The following MTUS2 variants were observed in gnomAD, a reference collection of about 807,000 sequenced individuals.
MTUS2 encodes microtubule-associated tumor suppressor candidate 2.
In MTUS2, 40 loss-of-function variants were observed where a neutral mutation model predicts 114.1. That is an observed-to-expected ratio of 0.35 (90% CI 0.27 to 0.46). The LOEUF (loss-of-function observed/expected upper bound fraction) is 0.46. Among genes scored for constraint, MTUS2 ranks in the 20% least tolerant of loss-of-function variants. MTUS2 has a pLI of 1.00. For synonymous variants in MTUS2, 688 were observed against 672.0 expected (o/e 1.02, Z -0.37); for missense variants, 1,679 against 1,705.4 (o/e 0.98, Z 0.27).
At chr13:28,846,711 T>C (rs1875909039) in intron 2 of MTUS2, among the ~76,000 whole-genome samples, 1 of 152,222 alleles carries the variant, frequency 6.6e-6, no homozygotes, top group African/African-American at 2.4e-5. Flanking sequence ...AATGCCCTCT[T>C]AAAGAAACAA....
chr13:29,089,844 GTTTT>G (rs1889858236), intron 4 of MTUS2, among the ~76,000 whole-genome samples: 1 of 152,154 alleles, frequency 6.6e-6, no homozygotes, highest in Admixed American at 6.5e-5. Flanking sequence ...CTGTTAGATT[GTTTT>G]ACTGGTTCTT....
intron 8 of MTUS2, among the ~76,000 whole-genome samples, chr13:29,367,273 G>A (rs1046445828): frequency 4.6e-5 from 7 of 152,118 alleles, no homozygotes; most frequent in African/African-American, 7.2e-5. Flanking sequence ...TGGGCCTTCC[G>A]GGACAGCAGG....
At chr13:29,492,185 GTGTGTAT>G (rs1882212324) in intron 11 of MTUS2, among the ~76,000 whole-genome samples, 1 of 2,526 alleles carries the variant, frequency 4.0e-4, no homozygotes, top group Admixed American at 6.3e-3. Flanking sequence ...TGTGTGGTAG[GTGTGTAT>G]GTGTGTGTGG....
At chr13:29,225,654 C>T (rs546518160) in intron 5 of MTUS2, among the ~76,000 whole-genome samples, 7 of 152,172 alleles carry the variant, frequency 4.6e-5, no homozygotes, top group Non-Finnish European at 8.8e-5. Context: ...GTTTCCTTGT[C>T]GTAACAAATT....
intron 6 of MTUS2, among the ~76,000 whole-genome samples, chr13:29,291,048 A>G (rs1002505334): frequency 2.0e-5 from 3 of 152,204 alleles, no homozygotes; most frequent in African/African-American, 7.2e-5. Context: ...TAAATGAGAG[A>G]CGTGCCCTTT....
intron 5 of MTUS2, among the ~76,000 whole-genome samples, chr13:29,221,471 C>T (rs1198681635): frequency 1.3e-5 from 2 of 152,048 alleles, no homozygotes; most frequent in Non-Finnish European, 2.9e-5. Context: ...GATTATTAGC[C>T]TGAGTACATT....
Position 28,949,520 on chromosome 13 carries a change from G to A in MTUS2, c.-242-74937G>A, listed in dbSNP as rs542725978. Among the ~76,000 whole-genome samples, 47 of 152,302 alleles carry A rather than the reference G, an allele frequency of 3.1e-4. No homozygotes were observed. The South Asian group carries it at 7.9e-3, about 26-fold the overall frequency. ...TAACAATTTTTAACTGTATAGTTCAGTAGTGTTAATTAAATTCACAGTATT... is the reference window on the plus strand; with the variant it reads ...TAACAATTTTTAACTGTATAGTTCAATAGTGTTAATTAAATTCACAGTATT... On this transcript the variant is annotated intron_variant, in intron 2 of 15. Transcript: ENST00000612955.
At chr13:29,484,763 G>A (rs1881468704) in intron 10 of MTUS2, 2 of 152,194 alleles carry the variant, frequency 1.3e-5, no homozygotes, top group African/African-American at 4.8e-5. Context: ...TAAAACACAC[G>A]TTTCTTCATT....
chr13:29,427,746 A>C (rs1269434219), intron 8 of MTUS2, among the ~76,000 whole-genome samples: 1 of 152,228 alleles, frequency 6.6e-6, no homozygotes, highest in Non-Finnish European at 1.5e-5. Flanking sequence ...TTGTCTGTTT[A>C]CAGCCTTAGG....
intron 9 of MTUS2, among the ~76,000 whole-genome samples, chr13:29,478,290 T>G (rs1161430544): frequency 6.6e-6 from 1 of 152,182 alleles, no homozygotes; most frequent in Admixed American, 6.5e-5. Context: ...GTAGCAATGT[T>G]TCTTTCCTGA....
At chr13:29,083,757 C>T (rs1442173137) in intron 4 of MTUS2, among the ~76,000 whole-genome samples, 2 of 152,164 alleles carry the variant, frequency 1.3e-5, no homozygotes, top group Non-Finnish European at 2.9e-5. Flanking sequence ...TTGAGCCATA[C>T]TAACTGGTTT....
rs566281530 is a variant in MTUS2, at chr13:29,318,254, TA to T, written c.2807-6358del. On this transcript the variant is annotated intron_variant, in intron 6 of 15. Transcript: ENST00000612955. ...AGATTAAGAGCCTATAAAAATGTTTTAGGTTTTTTTTTTTTTTGATGTGCTG... is the reference window on the plus strand; with the variant it reads ...AGATTAAGAGCCTATAAAAATGTTTTGGTTTTTTTTTTTTTTGATGTGCTG... Among the ~76,000 whole-genome samples the T allele has an allele frequency of 8.6e-5, 13 of 150,964 alleles. No homozygotes were observed. The East Asian group carries it at 2.5e-3, about 29-fold the overall frequency.
chr13:29,046,066 C>T (rs970559434), intron 4 of MTUS2, among the ~76,000 whole-genome samples: 1 of 152,034 alleles, frequency 6.6e-6, no homozygotes, highest in African/African-American at 2.4e-5. Flanking sequence ...GCCATCTAGA[C>T]ACCCCACTAT....
At chr13:29,149,067 C>T (rs1029491838) in intron 5 of MTUS2, among the ~76,000 whole-genome samples, 25 of 152,248 alleles carry the variant, frequency 1.6e-4, no homozygotes, top group African/African-American at 5.5e-4. Flanking sequence ...ACTGCTGGAT[C>T]GGGTGGTAAT....
intron 2 of MTUS2, among the ~76,000 whole-genome samples, chr13:28,918,117 GC>G (rs781458613): frequency 2.0e-5 from 3 of 151,848 alleles, no homozygotes; most frequent in Non-Finnish European, 2.9e-5. Context: ...TTGAGAATGA[GC>G]CATATGTTTA....
intron 4 of MTUS2, among the ~76,000 whole-genome samples, chr13:29,076,862 G>A (rs947195478): frequency 1.3e-5 from 2 of 152,146 alleles, no homozygotes; most frequent in African/African-American, 4.8e-5. Flanking sequence ...TCCTTTTGGT[G>A]GAAAGGTGCT....
chr13:29,037,781 C>T (rs1887149238), intron 4 of MTUS2, among the ~76,000 whole-genome samples: 2 of 152,046 alleles, frequency 1.3e-5, no homozygotes. Context: ...TCTCTGATAT[C>T]CTTTCTTCCA....
At chr13:29,034,834 G>A (rs1317382263) in intron 4 of MTUS2, among the ~76,000 whole-genome samples, 1 of 152,148 alleles carries the variant, frequency 6.6e-6, no homozygotes, top group Non-Finnish European at 1.5e-5. Context: ...TACCATTGCT[G>A]TCCCCCACCA....
rs202099762 is a variant in MTUS2, at chr13:29,254,313, C to T, written c.2645-27391C>T. On this transcript the variant is annotated intron_variant, in intron 5 of 15. Coordinates refer to ENST00000612955, the MANE Select transcript of MTUS2 (RefSeq NM_001033602.4). Reference sequence around the variant, plus strand: ...ATGATTGAGTGAGTAAAGGAGGCAACGAACAAACAGGCACACAGGAAGACA... The same window carrying T: ...ATGATTGAGTGAGTAAAGGAGGCAATGAACAAACAGGCACACAGGAAGACA... Among the ~76,000 whole-genome samples, 18 of 152,272 alleles carry T rather than the reference C, an allele frequency of 1.2e-4. 1 individual carries two copies. In the East Asian group the frequency reaches 2.7e-3, roughly 23 times the overall value.
Sources: gnomAD v4.1 joint callset for allele counts (sites outside exome capture counted in the v4.1 genomes callset) on GRCh38, gnomAD v4.1.1 for gene constraint, MANE v1.5 for transcripts, NCBI Gene and HGNC (gene_info 2026-07-23, HGNC 2026-07-21) for gene names.